Variants in CLUH observed in about 807,000 individuals in gnomAD.
CLUH encodes CLUH binding protein of NUMT mRNA, also known as clustered mitochondria protein homolog.
In CLUH, 77 loss-of-function variants were observed where a neutral mutation model predicts 139.3. That is an observed-to-expected ratio of 0.55 (90% confidence interval 0.46 to 0.67). The LOEUF is 0.67. Among genes scored for constraint, CLUH ranks in the 30% least tolerant of loss-of-function variants. The pLI, the probability that CLUH is intolerant of heterozygous loss-of-function variation, is 0.00. For missense variants in CLUH, 1,876 were observed against 1,875.8 expected, an observed-to-expected ratio of 1.00 and a Z score of 0.00; for synonymous variants, 999 against 801.6, an observed-to-expected ratio of 1.25 and a Z score of -4.16.
At chr17:2,693,634 G>A (rs540031953) in intron 19 of CLUH, among the ~76,000 whole-genome samples, 49 of 152,138 alleles carry the variant, frequency 3.2e-4, no homozygotes, top group Non-Finnish European at 5.7e-4. Flanking sequence ...GCCCACTCAC[G>A]GAGTCTCAGG....
rs775782224 is a variant in CLUH at position 2,691,846 on chromosome 17, C to T, written c.3704G>A (p.Cys1235Tyr). The T allele has an allele frequency of 9.0e-6, 14 of 1,556,092 alleles. No homozygotes were observed. The highest frequency in any genetic ancestry group is 1.1e-5 in the Non-Finnish European group (13 of 1,151,502). ...CAGGGCCACGGCCTGCTGGGTCAGG[C>T]ACTTGAGGTACTCGGAGCTTTCCTT... ...KTKESSEYLK[C>Y]LTQQAVALQR... is the part of the protein sequence containing the mutation. The change falls in exon 24 of 26, where the codon TGC becomes TAC. Residue 1235 changes from cysteine to tyrosine, a missense_variant. Physicochemically the swap from Cys to Tyr is radical, Grantham distance 194. This residue lies in a region of CLUH where 1,454 missense variants were observed against 1,384.4 expected (regional missense o/e 1.05). Coordinates refer to ENST00000651024, the MANE Select transcript of CLUH (RefSeq NM_001366661.1).
At position 2,706,038 on chromosome 17, in the gene CLUH, C is replaced by G. The variant is rs2070340226; in HGVS notation, c.101-1474G>C. Among the ~76,000 whole-genome samples, 1 of 152,170 alleles carries G rather than the reference C, an allele frequency of 6.6e-6. No homozygotes were observed. The highest frequency in any genetic ancestry group is 1.5e-5 in the Non-Finnish European group (1 of 68,042). On this transcript the variant is annotated intron_variant, in intron 1 of 25. Transcript: ENST00000651024. The surrounding 1 kb of genome is among the most constrained non-coding windows in gnomAD (Gnocchi z 4.6). ...GGCTTGAAGTTCAACGGTCCCAACT[C>G]TGAGGAGTGCCTGGGTTCCCTTCCA...
intron 19 of CLUH, 55 bp from the exon 20 acceptor site, chr17:2,692,915 G>A (rs1255813134): frequency 3.4e-6 from 5 of 1,489,238 alleles, no homozygotes; most frequent in Non-Finnish European, 3.6e-6. Context: ...TGCACCCAGA[G>A]CCCGCCTGGC....
Position 2,704,669 on chromosome 17 carries a change from T to C in CLUH, c.101-105A>G, listed in dbSNP as rs1016912868. ...CGTGCCTTCTGGAAAGGCATCTGCA[T>C]GCCCTCGAGAGTCCCAGCCTCACGG... is the stretch of plus-strand genomic sequence containing the variant. On this transcript the variant is annotated intron_variant, in intron 1 of 25. Coordinates refer to ENST00000651024, the MANE Select transcript of CLUH (RefSeq NM_001366661.1). This position sits in a 1 kb window ranked among gnomAD's most constrained non-coding sequence, Gnocchi z 5.7. The C allele has an allele frequency of 2.2e-5, 25 of 1,117,774 alleles. No homozygotes were observed. Among genetic ancestry groups the C allele is most frequent in the Non-Finnish European group, 3.0e-5 (24 of 799,238 alleles). 69.2% of individuals were successfully genotyped at this position (1,117,774 alleles called of 1,614,324 possible). A position where few individuals can be genotyped will look rare whatever the true frequency, so the allele number is the denominator to read the frequency against.
At chr17:2,694,696 G>C in intron 16 of CLUH, 132 bp from the exon 17 acceptor site, 4 of 1,334,142 alleles carry the variant, frequency 3.0e-6, no homozygotes, top group Non-Finnish European at 4.1e-6. Context: ...GAGCCTCCCG[G>C]CTGCCCTCAC....
chr17:2,697,665 G>A (rs959777671), intron 10 of CLUH, among the ~76,000 whole-genome samples: 2 of 152,190 alleles, frequency 1.3e-5, no homozygotes, highest in African/African-American at 2.4e-5. Flanking sequence ...AACAGTGTCC[G>A]CCACAGCCAC....
Position 2,691,736 on chromosome 17 carries a change from AG to A in CLUH, c.3789+24del, listed in dbSNP as rs35048245. ...GGGGCTCCCGCGCTCGCCGGGCCGG[AG>A]GGGCCGCTCCGCCCCGGACTCACCT... On this transcript the variant is annotated intron_variant, in intron 24 of 25. Coordinates refer to ENST00000651024, the MANE Select transcript of CLUH (RefSeq NM_001366661.1). The A allele has an allele frequency of 2.5e-6, 4 of 1,600,216 alleles. No homozygotes were observed. The African/African-American group carries it at 4.0e-5, about 16-fold the overall frequency.
rs2070152744 is a variant in CLUH at position 2,700,867 on chromosome 17, G to T, written c.1026-42C>A. 2.0e-6 allele frequency: 3 copies of T among 1,506,478 alleles called. No homozygotes were observed. In the East Asian group the frequency reaches 6.8e-5, roughly 34 times the overall value. The allele number at this position is 1,506,478 out of a possible 1,614,324, so 93.3% of individuals were successfully genotyped here. ...AGGGGGAGATGGGGCAGCCCACCAA[G>T]CTCAGAGCCCTTCCACGGGCCCCTT... On this transcript the variant is annotated intron_variant, in intron 7 of 25. Transcript: ENST00000651024.
Position 2,711,636 on chromosome 17 carries a change from G to A in CLUH, c.26C>T (p.Pro9Leu). 1.0e-6 allele frequency: 1 copy of A among 984,508 alleles called. No homozygotes were observed. The highest frequency in any genetic ancestry group is 1.2e-6 in the Non-Finnish European group (1 of 829,616). The allele number at this position is 984,508 out of a possible 1,614,324, so 61.0% of individuals were successfully genotyped here. The change falls in exon 1 of 26, where the codon CCG becomes CTG. Residue 9 changes from proline to leucine, a missense_variant. Coordinates refer to ENST00000651024, the MANE Select transcript of CLUH (RefSeq NM_001366661.1). MVIKTDEL[P>L]AAAPADSARE... ...GGCGCTGTCGGCCGGGGCGGCCGCC[G>A]GCAACTCGTCCGTCTTGATAACCAT...
At position 2,694,771 on chromosome 17, in the gene CLUH, C is replaced by A. The variant is rs1445319468; in HGVS notation, c.2852+86G>T. 4.2e-6 allele frequency: 6 copies of A among 1,436,764 alleles called. No homozygotes were observed. The African/African-American group carries it at 5.7e-5, about 14-fold the overall frequency. The allele number at this position is 1,436,764 out of a possible 1,614,324, so 89.0% of individuals were successfully genotyped here. A position where few individuals can be genotyped will look rare whatever the true frequency, so the allele number is the denominator to read the frequency against. ...TCTCTGACTCCCTGGCCTATGACCA[C>A]AGGCCTTAGACGCCATCTGGGAGCA... is the stretch of plus-strand genomic sequence containing the variant. On this transcript the variant is annotated intron_variant, in intron 16 of 25. Coordinates refer to ENST00000651024, the MANE Select transcript of CLUH (RefSeq NM_001366661.1).
At chr17:2,691,588 C>T (rs371515291) in intron 25 of CLUH, 21 bp downstream of exon 25, 2 of 1,608,466 alleles carry the variant, frequency 1.2e-6, no homozygotes, top group Non-Finnish European at 1.7e-6. Flanking sequence ...GGGAGACACT[C>T]GAGTGGGGCG....
rs1170534005 is a variant in CLUH at position 2,690,265 on chromosome 17, AAC to A, written c.*327_*328del. On this transcript the variant is annotated 3_prime_UTR_variant, in exon 26 of 26. Transcript: ENST00000651024. ...CTATGTACAGGGGAGAGGAACGGTC[AAC>A]ACTCACAGCCAGGGGCGCACTCGCA... 3.2e-6 allele frequency: 1 copy of A among 307,788 alleles called. No homozygotes were observed. Among genetic ancestry groups the A allele is most frequent in the Non-Finnish European group, 6.0e-6 (1 of 167,700 alleles). 19.1% of individuals were successfully genotyped at this position (307,788 alleles called of 1,614,324 possible). A position where few individuals can be genotyped will look rare whatever the true frequency, so the allele number is the denominator to read the frequency against.
At position 2,698,546 on chromosome 17, in the gene CLUH, G is replaced by A. The variant is rs370514555; in HGVS notation, c.1311C>T (p.Ala437=). 49 of 1,610,754 alleles carry A rather than the reference G, an allele frequency of 3.0e-5. No individual in the cohort carries two copies. Among genetic ancestry groups the A allele is most frequent in the African/African-American group, 2.5e-4 (19 of 74,868 alleles). The change falls in exon 10 of 26, where the codon GCC becomes GCT. Residue 437 remains alanine, a synonymous_variant. Transcript: ENST00000651024. The part of the protein sequence containing the change: ...FTAAATRGAM[A]VIDGNVMAIN... ...TGGCCATCACGTTGCCGTCAATGAC[G>A]GCCATGGCGCCCCTGGTGGCTGCCG...
intron 17 of CLUH, 71 bp downstream of exon 17, chr17:2,694,409 T>A: frequency 6.5e-7 from 1 of 1,527,916 alleles, no homozygotes; most frequent in Non-Finnish European, 8.9e-7. Flanking sequence ...TGGCCAGGAG[T>A]GGGAGCCTGC....
In CLUH at chr17:2,691,889, C is replaced by T. The variant is rs1398515136; in HGVS notation, c.3661G>A (p.Glu1221Lys). The T allele has an allele frequency of 6.5e-7, 1 of 1,535,096 alleles. No individual in the cohort carries two copies. Among genetic ancestry groups the T allele is most frequent in the Non-Finnish European group, 8.7e-7 (1 of 1,143,084 alleles). Reference sequence around the variant, plus strand: ...CTTTCCTTGGTCTTCTCATGGTCCTCGCCCAGCTGCGGGGAGGCGGGAAGG... The same window carrying T: ...CTTTCCTTGGTCTTCTCATGGTCCTTGCCCAGCTGCGGGGAGGCGGGAAGG... ...GYTIYKTQLG[E>K]DHEKTKESSE... Residue 1221 changes from glutamate to lysine, a missense_variant, in exon 24 of 26, where the codon GAG (glutamate) becomes AAG (lysine). Around this residue, in one of 3 missense-constraint regions of CLUH, gnomAD observed 1,454 missense variants for 1,384.4 expected, o/e 1.05. Transcript: ENST00000651024.
In CLUH at chr17:2,704,235, G is replaced by A. The variant is rs1220854881; in HGVS notation, c.303+127C>T. ...CACGCTAGCTGAGTGACTCTAGGGAGGGCACGGGATCCTCAGTTTCCTGCC... is the reference window on the plus strand; with the variant it reads ...CACGCTAGCTGAGTGACTCTAGGGAAGGCACGGGATCCTCAGTTTCCTGCC... On this transcript the variant is annotated intron_variant, in intron 2 of 25. Transcript: ENST00000651024. This position sits in a 1 kb window ranked among gnomAD's most constrained non-coding sequence, Gnocchi z 5.7. 2.0e-6 allele frequency: 2 copies of A among 983,462 alleles called. No homozygotes were observed. Among genetic ancestry groups the A allele is most frequent in the Admixed American group, 5.0e-5 (2 of 40,070 alleles). The allele number at this position is 983,462 out of a possible 1,614,324, so 60.9% of individuals were successfully genotyped here. A position where few individuals can be genotyped will look rare whatever the true frequency, so the allele number is the denominator to read the frequency against.
At chr17:2,695,564 T>C in intron 13 of CLUH, 38 bp from the exon 14 acceptor site, 2 of 1,544,656 alleles carry the variant, frequency 1.3e-6, no homozygotes, top group Non-Finnish European at 1.7e-6. Flanking sequence ...ACCCAGCTCC[T>C]CTGCCTCCAC....
rs904421552 is a variant in CLUH at position 2,704,319 on chromosome 17, G to T, written c.303+43C>A. ...TGAGCTTTCCAGCTCACCCTCCCCA[G>T]CAGGCTCAGGCCTGGCCCCCAGCAC... On this transcript the variant is annotated intron_variant, in intron 2 of 25. Transcript: ENST00000651024. This position sits in a 1 kb window ranked among gnomAD's most constrained non-coding sequence, Gnocchi z 5.7. 9 of 1,574,244 alleles carry T rather than the reference G, an allele frequency of 5.7e-6. No homozygotes were observed. In the African/African-American group the frequency reaches 1.1e-4, roughly 19 times the overall value.
At position 2,695,392 on chromosome 17, in the gene CLUH, G is replaced by A. The variant is rs759016634; in HGVS notation, c.2526C>T (p.His842=). 13 of 1,612,672 alleles carry A rather than the reference G, an allele frequency of 8.1e-6. No homozygotes were observed. Among genetic ancestry groups the A allele is most frequent in the Non-Finnish European group, 1.1e-5 (13 of 1,179,710 alleles). ...LELVLRSPAR[H]QLDHVFKIGI... ...CACTCACAAAGACGTGGTCCAGCTG[G>A]TGGCGGGCCGGGCTCCGCAGCACCA... Residue 842 remains histidine, a synonymous_variant, in exon 14 of 26, where the codon CAC becomes CAT. Coordinates refer to ENST00000651024, the MANE Select transcript of CLUH (RefSeq NM_001366661.1).
Sources: gnomAD v4.1 joint callset for allele counts (sites outside exome capture counted in the v4.1 genomes callset) on GRCh38, gnomAD v4.1.1 for gene constraint, gnomAD v4.1.1 regional missense constraint, Gnocchi (gnomAD v3.1) non-coding constraint, MANE v1.5 for transcripts, NCBI Gene and HGNC (gene_info 2026-07-23, HGNC 2026-07-21) for gene names.